Variants in TTLL7 observed in about 807,000 individuals in gnomAD.
TTLL7 encodes the protein tubulin polyglutamylase TTLL7.
In TTLL7, 53 loss-of-function variants were observed where a neutral mutation model predicts 120.2. The ratio of observed to expected loss-of-function variants is 0.44; its 90% CI spans 0.35 to 0.55. The LOEUF is 0.55. Ranked by LOEUF, TTLL7 falls within the 20% of genes least tolerant of loss-of-function variation. The pLI is 0.00. For synonymous variants in TTLL7, 353 were observed against 351.7 expected (o/e 1.00, Z -0.04); for missense variants, 803 against 1,054.7 (o/e 0.76, Z 3.31).
At chr1:83,920,941 C>T (rs1258810798) in intron 12 of TTLL7, 146 bp downstream of exon 12, 7 of 857,334 alleles carry the variant, frequency 8.2e-6, no homozygotes, top group South Asian at 1.9e-5. Flanking sequence ...TGCTGACTAC[C>T]TTTCTTTCTG....
At chr1:83,903,962 G>C (rs928109396) in intron 18 of TTLL7, 117 bp downstream of exon 18, 15 of 781,602 alleles carry the variant, frequency 1.9e-5, no homozygotes, top group Non-Finnish European at 2.8e-5. Flanking sequence ...ATAAGTGTTT[G>C]TTGAAGAAAT....
intron 18 of TTLL7, chr1:83,900,156 C>T (rs771318391): frequency 4.5e-6 from 2 of 448,990 alleles, no homozygotes; most frequent in Non-Finnish European, 8.9e-6. Context: ...CAGAATAGCA[C>T]TGTCTTATTA....
At chr1:83,922,332 A>G (rs908942933) in intron 10 of TTLL7, among the ~76,000 whole-genome samples, 2 of 152,204 alleles carry the variant, frequency 1.3e-5, no homozygotes, top group Admixed American at 6.6e-5. Flanking sequence ...AAAGGCGACA[A>G]GAAGGCCATT....
intron 20 of TTLL7, among the ~76,000 whole-genome samples, chr1:83,875,977 A>G (rs1240426492): frequency 6.6e-6 from 1 of 151,758 alleles, no homozygotes; most frequent in Non-Finnish European, 1.5e-5. Context: ...TTTTGGTTCT[A>G]TTAATCTTTG....
chr1:83,868,689 T>A lies in TTLL7; in HGVS notation c.*1273A>T, dbSNP rs1200935763. The A allele has an allele frequency of 1.3e-5, 2 of 152,182 alleles. No individual in the cohort carries two copies. Among genetic ancestry groups the A allele is most frequent in the African/African-American group, 4.8e-5 (2 of 41,454 alleles). The allele number at this position is 152,182 out of a possible 1,614,324, so 9.4% of individuals were successfully genotyped here. A position where few individuals can be genotyped will look rare whatever the true frequency, so the allele number is the denominator to read the frequency against. On this transcript the variant is annotated 3_prime_UTR_variant, in exon 21 of 21. Transcript: ENST00000260505. ...AGTTTGTCTCATTATCCTGTAACAC[T>A]AAAATGAGTGAAATGTGTCAACTCT...
chr1:83,951,265 C>T (rs186449785), intron 3 of TTLL7, among the ~76,000 whole-genome samples: 2 of 151,846 alleles, frequency 1.3e-5, no homozygotes, highest in Admixed American at 6.6e-5. Context: ...AGGAGAATGG[C>T]GTGAACCCGG....
At chr1:83,949,543 G>T (rs993036637) in intron 4 of TTLL7, 3 of 252,268 alleles carry the variant, frequency 1.2e-5, no homozygotes, top group African/African-American at 7.0e-5. Context: ...GCCAGGGAAG[G>T]TCTCAATCTC....
chr1:83,879,324 TAGA>T (rs1654236740), intron 20 of TTLL7, among the ~76,000 whole-genome samples: 1 of 151,978 alleles, frequency 6.6e-6, no homozygotes, highest in Non-Finnish European at 1.5e-5. Flanking sequence ...TGTTCCAATG[TAGA>T]AGAATTTCCA....
chr1:83,938,041 GTTACCACCTA>G (rs778892489), intron 7 of TTLL7, 25 bp from the exon 8 acceptor site: 86 of 1,611,606 alleles, frequency 5.3e-5, no homozygotes, highest in Non-Finnish European at 7.0e-5. Context: ...AACCAAAGTT[GTTACCACCTA>G]TGACATCCTA....
chr1:83,901,152 T>C (rs1452137412), intron 18 of TTLL7, among the ~76,000 whole-genome samples: 1 of 151,916 alleles, frequency 6.6e-6, no homozygotes, highest in Non-Finnish European at 1.5e-5. Flanking sequence ...ACTCCTCCTC[T>C]ATCCCCCACC....
intron 1 of TTLL7, among the ~76,000 whole-genome samples, chr1:83,967,167 T>G (rs1193119428): frequency 6.6e-6 from 1 of 152,050 alleles, no homozygotes; most frequent in Non-Finnish European, 1.5e-5. Context: ...TTTGAAGAGG[T>G]TTTTTTAAGT....
chr1:83,958,232 T>C (rs543282254), intron 1 of TTLL7, among the ~76,000 whole-genome samples: 1 of 152,186 alleles, frequency 6.6e-6, no homozygotes, highest in Non-Finnish European at 1.5e-5. Flanking sequence ...AGAAAAGAGA[T>C]ATAATGAACA....
rs149966573 is a variant in TTLL7 at position 83,913,986 on chromosome 1, C to A, written c.1588-2623G>T. 7.6e-4 allele frequency among the ~76,000 whole-genome samples: 116 copies of A among 152,286 alleles called. 3 individuals are homozygous for A. In the East Asian group the frequency reaches 0.022, roughly 29 times the overall value. On this transcript the variant is annotated intron_variant, in intron 14 of 20. Transcript: ENST00000260505. ...ATTAATATACAAAGCTTAGAAACTT[C>A]CCAGTGTTTCCCAAAGTGATGCCAT...
chr1:83,870,499 A>T (rs1348897749), intron 20 of TTLL7, among the ~76,000 whole-genome samples: 1 of 152,256 alleles, frequency 6.6e-6, no homozygotes, highest in Non-Finnish European at 1.5e-5. Flanking sequence ...ATTTAATAAT[A>T]GATCATTAAC....
rs1470534209 is a variant in TTLL7 at position 83,890,072 on chromosome 1, T to C, written c.2369+249A>G. ...GCAGAAGAACTTCAAGGATATTGGTTTGTATTTTCTTTAATTAGGACTACC... is the reference window on the plus strand; with the variant it reads ...GCAGAAGAACTTCAAGGATATTGGTCTGTATTTTCTTTAATTAGGACTACC... On this transcript the variant is annotated intron_variant, in intron 19 of 20. Transcript: ENST00000260505. 3 of 554,684 alleles carry C rather than the reference T, an allele frequency of 5.4e-6. No homozygotes were observed. In the African/African-American group the frequency reaches 5.7e-5, roughly 10 times the overall value. 34.4% of individuals were successfully genotyped at this position (554,684 alleles called of 1,614,324 possible).
Position 83,981,672 on chromosome 1 carries a change from T to C in TTLL7, c.-177+17259A>G, listed in dbSNP as rs568530573. 4.6e-3 allele frequency: 698 copies of C among 151,932 alleles called. 5 individuals are homozygous for C. The highest frequency in any genetic ancestry group is 8.7e-3 in the Non-Finnish European group (592 of 68,102). 9.4% of individuals were successfully genotyped at this position (151,932 alleles called of 1,614,324 possible). ...GTGAAACCCCGTCTCCACTGAAAAA[T>C]AGCAAAAAAATTAGCCAGGCATGGT... is the stretch of plus-strand genomic sequence containing the variant. On this transcript the variant is annotated intron_variant, in intron 1 of 20. Coordinates refer to ENST00000260505, the MANE Select transcript of TTLL7 (RefSeq NM_024686.6).
At chr1:83,914,323 C>CTTTTTTTTTTTT (rs1171299360) in intron 14 of TTLL7, among the ~76,000 whole-genome samples, 3 of 78,244 alleles carry the variant, frequency 3.8e-5, no homozygotes, top group African/African-American at 5.1e-5. Context: ...CTCTCTCTCT[C>CTTTTTTTTTTTT]TTTTTTTTTT....
intron 14 of TTLL7, among the ~76,000 whole-genome samples, chr1:83,915,871 T>C (rs908754942): frequency 5.3e-5 from 8 of 151,946 alleles, no homozygotes; most frequent in Non-Finnish European, 7.4e-5. Context: ...ATTTATGCAG[T>C]CAAAAGACAC....
intron 7 of TTLL7, among the ~76,000 whole-genome samples, chr1:83,940,005 T>A (rs1647793642): frequency 6.6e-6 from 1 of 152,136 alleles, no homozygotes; most frequent in African/African-American, 2.4e-5. Flanking sequence ...TATCTCAACC[T>A]AGAAATTCAA....
Sources: allele counts gnomAD v4.1 joint callset (sites outside exome capture counted in the v4.1 genomes callset), GRCh38; gene constraint gnomAD v4.1.1; transcripts MANE v1.5; gene names NCBI Gene and HGNC (gene_info 2026-07-23, HGNC 2026-07-21).